Variants in ISY1 observed in about 807,000 individuals in gnomAD.
ISY1 encodes the protein pre-mRNA-splicing factor ISY1 homolog.
In ISY1, 12 loss-of-function variants were observed where a neutral mutation model predicts 54.4. The ratio of observed to expected loss-of-function variants is 0.22; its 90% CI spans 0.14 to 0.36. The LOEUF (loss-of-function observed/expected upper bound fraction) is 0.36, where lower values mean the gene tolerates loss of function less well. Among genes scored for constraint, ISY1 ranks in the 10% least tolerant of loss-of-function variants. The pLI, the probability that ISY1 is intolerant of heterozygous loss-of-function variation, is 1.00. For missense variants in ISY1, 282 were observed against 342.2 expected (o/e 0.82, Z 1.39); for synonymous variants, 96 against 117.9 (o/e 0.81, Z 1.20).
At chr3:129,134,309 GAC>G in intron 8 of ISY1, 114 bp from the exon 9 acceptor site, 4 of 1,546,422 alleles carry the variant, frequency 2.6e-6, no homozygotes, top group Non-Finnish European at 3.5e-6. Flanking sequence ...TCTAGAAAGG[GAC>G]ACCCTTCATT....
intron 9 of ISY1, among the ~76,000 whole-genome samples, chr3:129,132,428 C>G (rs1936262627): frequency 6.6e-6 from 1 of 152,218 alleles, no homozygotes. Context: ...ACACCCAGCA[C>G]CCACTCTCTG....
chr3:129,137,814 A>C (rs2107604384), intron 7 of ISY1, among the ~76,000 whole-genome samples: 1 of 146,058 alleles, frequency 6.8e-6, no homozygotes, highest in East Asian at 2.1e-4. Context: ...CGGGAGGCTG[A>C]GGCAGGAGAA....
At chr3:129,136,549 G>A (rs1242591244) in intron 7 of ISY1, among the ~76,000 whole-genome samples, 1 of 151,910 alleles carries the variant, frequency 6.6e-6, no homozygotes, top group East Asian at 1.9e-4. Flanking sequence ...TGTTGCTCAG[G>A]CTGGAGTGCA....
At position 129,159,780 on chromosome 3, in the gene ISY1, C is replaced by CT. The variant is rs1157138539; in HGVS notation, c.4-605dup. Among the ~76,000 whole-genome samples the CT allele has an allele frequency of 9.8e-5, 15 of 152,332 alleles. No individual in the cohort carries two copies. The East Asian group carries it at 2.9e-3, about 29-fold the overall frequency. On this transcript the variant is annotated intron_variant, in intron 1 of 10. Transcript: ENST00000393295. ...TTACCATCTGTGAGAAGTAGTCTCTCTATCACTCAGTTTCCCCATCTTTAC... is the reference window on the plus strand; with the variant it reads ...TTACCATCTGTGAGAAGTAGTCTCTCTTATCACTCAGTTTCCCCATCTTTAC...
In ISY1 at chr3:129,127,556, G is replaced by T. The variant is rs1041711712; in HGVS notation, c.*2525C>A. 2 of 152,262 alleles carry T rather than the reference G, an allele frequency of 1.3e-5. No individual in the cohort carries two copies. The highest frequency in any genetic ancestry group is 2.9e-5 in the Non-Finnish European group (2 of 68,104). 9.4% of individuals were successfully genotyped at this position (152,262 alleles called of 1,614,324 possible). ...CACCCCCAGCTGTTTCCAGGCCTGG[G>T]ACTGGAGCCCTGCTGAGACCTTGTC... On this transcript the variant is annotated 3_prime_UTR_variant, in exon 11 of 11. Transcript: ENST00000393295.
At chr3:129,155,466 T>A (rs1163177155) in intron 5 of ISY1, among the ~76,000 whole-genome samples, 3 of 152,088 alleles carry the variant, frequency 2.0e-5, no homozygotes, top group African/African-American at 7.2e-5. Flanking sequence ...AGTGCTGGGA[T>A]TACAGGTGTG....
chr3:129,144,462 T>C (rs1936714696), intron 6 of ISY1, among the ~76,000 whole-genome samples: 1 of 152,218 alleles, frequency 6.6e-6, no homozygotes, highest in South Asian at 2.1e-4. Context: ...AAAAACTGCA[T>C]GTGTTTCTTA....
chr3:129,159,184 G>A lies in ISY1; in HGVS notation c.4-8C>T, dbSNP rs375167152. The A allele has an allele frequency of 5.6e-6, 9 of 1,596,328 alleles. No homozygotes were observed. The highest frequency in any genetic ancestry group is 4.6e-5 in the South Asian group (4 of 86,296). ...CTTTTCTGCATTTCGGGCCTGGAAA[G>A]AGAGAAAAGAGAAGAAAAATGTCCA... On this transcript the variant is annotated splice_polypyrimidine_tract_variant and splice_region_variant and intron_variant, in intron 1 of 10. Coordinates refer to ENST00000393295, the MANE Select transcript of ISY1 (RefSeq NM_020701.4).
intron 7 of ISY1, among the ~76,000 whole-genome samples, chr3:129,136,245 G>A (rs1936398182): frequency 6.6e-6 from 1 of 151,642 alleles, no homozygotes. Context: ...GGGATTACAA[G>A]CACCCGCCAC....
intron 5 of ISY1, among the ~76,000 whole-genome samples, chr3:129,148,076 C>T (rs1350752714): frequency 6.6e-6 from 1 of 152,160 alleles, no homozygotes; most frequent in Non-Finnish European, 1.5e-5. Context: ...GATCCTCCCA[C>T]CTTGGTCTCC....
chr3:129,150,637 T>C (rs1440759450), intron 5 of ISY1, among the ~76,000 whole-genome samples: 4 of 151,470 alleles, frequency 2.6e-5, no homozygotes, highest in Non-Finnish European at 4.4e-5. Context: ...GGCATGAACC[T>C]GGGGGGCGGA....
chr3:129,150,661 T>G (rs754151849), intron 5 of ISY1, among the ~76,000 whole-genome samples: 21 of 151,738 alleles, frequency 1.4e-4, no homozygotes, highest in Admixed American at 9.9e-4. Context: ...TGCAGTGAGC[T>G]GCACTCCAGC....
chr3:129,134,734 T>G (rs1179041942), intron 8 of ISY1, 98 bp downstream of exon 8: 7 of 1,434,202 alleles, frequency 4.9e-6, no homozygotes, highest in South Asian at 1.3e-5. Flanking sequence ...CAAAGAAAAC[T>G]CCCTTCTGGC....
Position 129,140,464 on chromosome 3 carries a change from C to G in ISY1, c.322G>C (p.Asp108His), listed in dbSNP as rs1225756374. The change falls in exon 7 of 11, where the codon GAT becomes CAT. Residue 108 changes from aspartate to histidine, a missense_variant. By Grantham distance (81) the Asp-to-His change is moderately conservative. Transcript: ENST00000393295. Reference sequence around the variant, plus strand: ...CCTGGGACTTCTTTTCCTTCATGATCCAGCATTTTAGGGCCAACTTTCTTA... The same window carrying G: ...CCTGGGACTTCTTTTCCTTCATGATGCAGCATTTTAGGGCCAACTTTCTTA... The part of the protein sequence containing the change: ...DYGKVGPKML[D>H]HEGKEVPGNR... 6.2e-7 allele frequency: 1 copy of G among 1,609,950 alleles called. No individual in the cohort carries two copies. The highest frequency in any genetic ancestry group is 8.5e-7 in the Non-Finnish European group (1 of 1,179,060).
At chr3:129,131,086 G>A (rs1356657879) in intron 9 of ISY1, among the ~76,000 whole-genome samples, 1 of 152,234 alleles carries the variant, frequency 6.6e-6, no homozygotes, top group Non-Finnish European at 1.5e-5. Flanking sequence ...GACTTGGAAA[G>A]AGAGAAGGGG....
At chr3:129,146,628 TA>T (rs1936770465) in intron 5 of ISY1, among the ~76,000 whole-genome samples, 1 of 152,142 alleles carries the variant, frequency 6.6e-6, no homozygotes, top group Admixed American at 6.6e-5. Context: ...AGAGGACTTC[TA>T]GGGGTGATGG....
Position 129,134,865 on chromosome 3 carries a change from T to C in ISY1, c.508A>G (p.Ile170Val), listed in dbSNP as rs1438461453. Residue 170 changes from isoleucine to valine, a missense_variant, in exon 8 of 11, where the codon ATT (isoleucine) becomes GTT (valine). Ile to Val is a conservative substitution (Grantham distance 29). Around this residue, in one of 2 missense-constraint regions of ISY1, gnomAD observed 279 missense variants for 323.6 expected, o/e 0.86. Transcript: ENST00000393295. Reference protein sequence around the residue: ...YGYLDEDDGVIVPLEQEYEKK... With the variant: ...YGYLDEDDGVVVPLEQEYEKK... Reference sequence around the variant, plus strand: ...TCATATTCCTGTTCCAAAGGCACAATAACACCATCATCTTCATCTAGGTAA... The same window carrying C: ...TCATATTCCTGTTCCAAAGGCACAACAACACCATCATCTTCATCTAGGTAA... 2 of 1,610,774 alleles carry C rather than the reference T, an allele frequency of 1.2e-6. No individual in the cohort carries two copies. Among genetic ancestry groups the C allele is most frequent in the South Asian group, 2.2e-5 (2 of 90,912 alleles).
chr3:129,153,005 C>T (rs1210633615), intron 5 of ISY1, among the ~76,000 whole-genome samples: 2 of 124,678 alleles, frequency 1.6e-5, no homozygotes, highest in Non-Finnish European at 3.3e-5. Context: ...CAATTTCTTT[C>T]CATCTTTTTT....
rs544686881 is a variant in ISY1 at position 129,146,063 on chromosome 3, T to G, written c.188-190A>C. Among the ~76,000 whole-genome samples the G allele has an allele frequency of 1.5e-3, 228 of 151,508 alleles. 1 individual carries two copies. Among genetic ancestry groups the G allele is most frequent in the African/African-American group, 5.4e-3 (223 of 41,206 alleles). On this transcript the variant is annotated intron_variant, in intron 5 of 10. Coordinates refer to ENST00000393295, the MANE Select transcript of ISY1 (RefSeq NM_020701.4). ...AAAGGACAAGAATTATAAACAGAGT[T>G]CCCACTAGCGTAAGAAAAAAAAAAT...
Sources: allele counts gnomAD v4.1 joint callset (sites outside exome capture counted in the v4.1 genomes callset), GRCh38; gene constraint gnomAD v4.1.1; regional missense constraint gnomAD v4.1.1; transcripts MANE v1.5; gene names NCBI Gene and HGNC (gene_info 2026-07-23, HGNC 2026-07-21).